Variants in ROBO2 observed in about 807,000 individuals in gnomAD.
ROBO2 encodes the protein roundabout homolog 2.
Under a neutral mutation model 160.8 loss-of-function variants are expected in ROBO2, and 53 were observed. The observed-to-expected ratio is 0.33, with a 90% confidence interval of 0.26 to 0.41. The LOEUF (loss-of-function observed/expected upper bound fraction) is 0.41, where lower values mean the gene tolerates loss of function less well. Among genes scored for constraint, ROBO2 ranks in the 10% least tolerant of loss-of-function variants. The pLI, the probability that ROBO2 is intolerant of heterozygous loss-of-function variation, is 1.00. For missense variants in ROBO2, 1,577 were observed against 1,722.4 expected (o/e 0.92, Z 1.49); for synonymous variants, 664 against 611.7 (o/e 1.09, Z -1.26).
rs78971054 is a variant in ROBO2, at chr3:76,927,278, C to G, written c.110-170736C>G. Among the ~76,000 whole-genome samples, 1,205 of 152,196 alleles carry G rather than the reference C, an allele frequency of 7.9e-3. 16 individuals carry two copies. The highest frequency in any genetic ancestry group is 0.027 in the African/African-American group (1,127 of 41,546). On this transcript the variant is annotated intron_variant, in intron 2 of 26. Transcript: ENST00000487694. ...TTGAATAAAAAATTACCACCCCCAC[C>G]ACCAGAAAAAAAGAAAGAGACTAAG...
chr3:76,725,084 C>T (rs919980991), intron 2 of ROBO2, among the ~76,000 whole-genome samples: 11 of 152,110 alleles, frequency 7.2e-5, no homozygotes, highest in Non-Finnish European at 1.6e-4. Flanking sequence ...TTCTGCCCTC[C>T]GTAACTGTGA....
intron 2 of ROBO2, among the ~76,000 whole-genome samples, chr3:76,685,828 G>A (rs773832963): frequency 6.6e-6 from 1 of 152,092 alleles, no homozygotes; most frequent in African/African-American, 2.4e-5. Context: ...GAATAATAAT[G>A]GAGGTATTGT....
intron 2 of ROBO2, among the ~76,000 whole-genome samples, chr3:76,627,523 C>T (rs1201710934): frequency 6.6e-6 from 1 of 152,146 alleles, no homozygotes; most frequent in Non-Finnish European, 1.5e-5. Flanking sequence ...CTGTCATATC[C>T]CAGCAGTACA....
At chr3:76,010,704 T>C (rs1322375621) in intron 2 of ROBO2, among the ~76,000 whole-genome samples, 2 of 152,258 alleles carry the variant, frequency 1.3e-5, no homozygotes, top group Non-Finnish European at 2.9e-5. Context: ...TGATTAATTT[T>C]ATCCTATTAA....
chr3:77,216,087 A>G (rs1038187759), intron 2 of ROBO2, among the ~76,000 whole-genome samples: 8 of 152,138 alleles, frequency 5.3e-5, no homozygotes, highest in African/African-American at 1.9e-4. Flanking sequence ...TGCTGGGAGA[A>G]CGACTACTCT....
At chr3:76,538,731 C>T (rs888060353) in intron 2 of ROBO2, among the ~76,000 whole-genome samples, 9 of 152,172 alleles carry the variant, frequency 5.9e-5, no homozygotes, top group African/African-American at 2.2e-4. Flanking sequence ...TCAGGCCTTG[C>T]CTCCGTCCCT....
intron 2 of ROBO2, among the ~76,000 whole-genome samples, chr3:75,951,086 A>G (rs539186532): frequency 5.3e-5 from 8 of 151,980 alleles, no homozygotes; most frequent in Non-Finnish European, 1.5e-5. Flanking sequence ...TTTTTATGTC[A>G]ACCTATGGTA....
At chr3:76,084,624 A>G (rs2108049971) in intron 2 of ROBO2, among the ~76,000 whole-genome samples, 1 of 152,252 alleles carries the variant, frequency 6.6e-6, no homozygotes, top group South Asian at 2.1e-4. Flanking sequence ...TTTCCATTAT[A>G]ATATCTGGCA....
At chr3:77,122,983 CTGTT>C (rs2074930505) in intron 2 of ROBO2, among the ~76,000 whole-genome samples, 1 of 151,932 alleles carries the variant, frequency 6.6e-6, no homozygotes, top group Admixed American at 6.6e-5. Flanking sequence ...CTGCAAAGAA[CTGTT>C]TGATCAAAGT....
At chr3:76,054,350 T>A (rs1261758472) in intron 2 of ROBO2, among the ~76,000 whole-genome samples, 3 of 152,158 alleles carry the variant, frequency 2.0e-5, no homozygotes, top group African/African-American at 7.2e-5. Context: ...AAAATCTACT[T>A]ACTGACATGT....
intron 2 of ROBO2, among the ~76,000 whole-genome samples, chr3:77,316,152 C>CA (rs917289501): frequency 1.3e-5 from 2 of 151,880 alleles, no homozygotes; most frequent in African/African-American, 2.4e-5. Context: ...GGTGCAAGGA[C>CA]AAAAAAACAC....
intron 2 of ROBO2, among the ~76,000 whole-genome samples, chr3:76,194,647 G>T (rs1365712776): frequency 1.3e-5 from 2 of 149,690 alleles, no homozygotes; most frequent in Non-Finnish European, 3.0e-5. Context: ...TTTAGACGGA[G>T]TCTCGCTCTG....
intron 2 of ROBO2, among the ~76,000 whole-genome samples, chr3:77,100,315 T>A (rs950742695): frequency 2.6e-5 from 4 of 152,138 alleles, no homozygotes; most frequent in African/African-American, 9.7e-5. Context: ...TCTAATGCCA[T>A]GTCAACAGTT....
intron 2 of ROBO2, among the ~76,000 whole-genome samples, chr3:76,769,105 A>G (rs1291576591): frequency 6.6e-6 from 1 of 151,428 alleles, no homozygotes; most frequent in Non-Finnish European, 1.5e-5. Context: ...GCTACGTGGC[A>G]ACACCTAGCA....
chr3:77,316,896 T>G, intron 2 of ROBO2: 1 of 1,183,906 alleles, frequency 8.4e-7, no homozygotes, highest in Non-Finnish European at 1.3e-6. Flanking sequence ...AGTTGTTCAC[T>G]TTAGTGGAGA....
chr3:77,526,604 G>T (rs148594342), intron 6 of ROBO2, among the ~76,000 whole-genome samples: 1 of 151,626 alleles, frequency 6.6e-6, no homozygotes, highest in East Asian at 1.9e-4. Context: ...AAAGGATTAT[G>T]AAGCCCATGT....
At chr3:76,619,181 A>C (rs2088849796) in intron 2 of ROBO2, among the ~76,000 whole-genome samples, 1 of 151,708 alleles carries the variant, frequency 6.6e-6, no homozygotes, top group African/African-American at 2.4e-5. Context: ...TCTACTAAAA[A>C]TACAAAAAAT....
In ROBO2 at chr3:77,348,020, A is replaced by C. The variant is rs573252160; in HGVS notation, c.389-129394A>C. Among the ~76,000 whole-genome samples the C allele has an allele frequency of 2.6e-5, 4 of 152,122 alleles. No individual in the cohort carries two copies. In the South Asian group the frequency reaches 8.3e-4, roughly 32 times the overall value. On this transcript the variant is annotated intron_variant, in intron 2 of 25. Transcript: ENST00000461745. Reference sequence around the variant, plus strand: ...CCACCCACACTTTTCTGCTCAACTAAGCCCAGGATTTTTGATTTTATACAC... The same window carrying C: ...CCACCCACACTTTTCTGCTCAACTACGCCCAGGATTTTTGATTTTATACAC...
intron 2 of ROBO2, among the ~76,000 whole-genome samples, chr3:76,398,086 C>T (rs1182155215): frequency 6.6e-6 from 1 of 151,936 alleles, no homozygotes; most frequent in Non-Finnish European, 1.5e-5. Context: ...AAATGTCCAA[C>T]AATGATAGAC....
Sources: allele counts gnomAD v4.1 joint callset (sites outside exome capture counted in the v4.1 genomes callset), GRCh38; gene constraint gnomAD v4.1.1; transcripts MANE v1.5; gene names NCBI Gene and HGNC (gene_info 2026-07-23, HGNC 2026-07-21).